ESPNL: variants seen among roughly 807,000 people sequenced by gnomAD.
ESPNL encodes the protein espin like, also known as espin-like protein.
ESPNL carries 49 observed loss-of-function variants against 46.8 expected under a neutral mutation model. That is an observed-to-expected ratio of 1.05 (90% CI 0.83 to 1.33). The LOEUF (loss-of-function observed/expected upper bound fraction) is 1.33, where lower values mean the gene tolerates loss of function less well. ESPNL is among the 40% of genes most tolerant of loss of function. ESPNL has a pLI of 0.00. For missense variants in ESPNL, 1,540 were observed against 1,436.6 expected (o/e 1.07, Z -1.16); for synonymous variants, 664 against 662.1 (o/e 1.00, Z -0.04).
intron 5 of ESPNL, among the ~76,000 whole-genome samples, chr2:238,120,254 C>T (rs1691956534): frequency 6.6e-6 from 1 of 152,164 alleles, no homozygotes; most frequent in Non-Finnish European, 1.5e-5. Flanking sequence ...ACAGCTCCTT[C>T]AAGGCCGCTA....
Position 238,131,442 on chromosome 2 carries a change from G to T in ESPNL, c.2728G>T (p.Ala910Ser). The T allele has an allele frequency of 6.2e-7, 1 of 1,609,054 alleles. No homozygotes were observed. The highest frequency in any genetic ancestry group is 8.5e-7 in the Non-Finnish European group (1 of 1,178,088). The change falls in exon 9 of 9, where the codon GCC becomes TCC. Residue 910 changes from alanine to serine, a missense_variant. Physicochemically the swap from Ala to Ser is moderately conservative, Grantham distance 99. Transcript: ENST00000343063. ...FHKAVTDEVAAGRRAWTDGFE... is the reference protein window; with the variant it reads ...FHKAVTDEVASGRRAWTDGFE... ...CAAGGCCGTGACCGACGAGGTGGCC[G>T]CCGGCCGCCGGGCCTGGACCGACGG...
chr2:238,100,721 G>A lies in ESPNL; in HGVS notation c.294+8G>A, dbSNP rs1046615787. Reference sequence around the variant, plus strand: ...GGGGGCTGCGGTCTGCAGGTGAGCGGGGATGGGGCAGCCTGGCTCCACGAA... The same window carrying A: ...GGGGGCTGCGGTCTGCAGGTGAGCGAGGATGGGGCAGCCTGGCTCCACGAA... On this transcript the variant is annotated splice_region_variant and intron_variant, in intron 1 of 8. Transcript: ENST00000343063. The A allele has an allele frequency of 2.9e-5, 41 of 1,411,342 alleles. No homozygotes were observed. The highest frequency in any genetic ancestry group is 3.7e-5 in the Non-Finnish European group (40 of 1,092,742). The allele number at this position is 1,411,342 out of a possible 1,614,324, so 87.4% of individuals were successfully genotyped here.
At chr2:238,102,732 C>T (rs1691512345) in intron 2 of ESPNL, among the ~76,000 whole-genome samples, 1 of 152,220 alleles carries the variant, frequency 6.6e-6, no homozygotes, top group Non-Finnish European at 1.5e-5. Context: ...CCTGGAAGCT[C>T]CTCCAGTCCT....
intron 2 of ESPNL, among the ~76,000 whole-genome samples, chr2:238,104,119 G>A (rs375713889): frequency 6.6e-6 from 1 of 152,182 alleles, no homozygotes; most frequent in Non-Finnish European, 1.5e-5. Flanking sequence ...GAGAGGGGAA[G>A]GGCCCGGAGG....
At chr2:238,125,517 G>T in intron 6 of ESPNL, 133 bp downstream of exon 6, 1 of 469,838 alleles carries the variant, frequency 2.1e-6, no homozygotes, top group Non-Finnish European at 3.8e-6. Context: ...TCCCTCCCCA[G>T]TTGCTTCCAG....
chr2:238,128,467 GCCGACAAT>G (rs906835981), intron 7 of ESPNL, among the ~76,000 whole-genome samples: 2 of 152,170 alleles, frequency 1.3e-5, no homozygotes, highest in Non-Finnish European at 2.9e-5. Flanking sequence ...TCATTTCTCT[GCCGACAAT>G]CCCCTCACAC....
rs1050446441 is a variant in ESPNL, at chr2:238,106,713, CACAGGGGGTCCTGAGGGAGGGAA to C, written c.673-1071_673-1049del. On this transcript the variant is annotated intron_variant, in intron 3 of 8. Coordinates refer to ENST00000343063, the MANE Select transcript of ESPNL (RefSeq NM_194312.4). The stretch of plus-strand genomic sequence containing the variant: ...AGTGGGCAGAGCAGCAGCAGCTCAC[CACAGGGGGTCCTGAGGGAGGGAA>C]ACAGGGTGTCCACTGAACCCCTAGG... Among the ~76,000 whole-genome samples, 159 of 133,578 alleles carry C rather than the reference CACAGGGGGTCCTGAGGGAGGGAA, an allele frequency of 1.2e-3. 3 individuals carry two copies. Among genetic ancestry groups the C allele is most frequent in the East Asian group, 6.3e-3 (24 of 3,832 alleles). The allele number at this position is 133,578 out of a possible 152,430, so 87.6% of individuals were successfully genotyped here.
intron 5 of ESPNL, among the ~76,000 whole-genome samples, chr2:238,124,770 C>T (rs1230406409): frequency 5.7e-5 from 7 of 121,876 alleles, no homozygotes; most frequent in East Asian, 2.3e-4. Flanking sequence ...AGTGTACATG[C>T]GTGTGTGCAG....
At chr2:238,122,856 C>T (rs962719135) in intron 5 of ESPNL, among the ~76,000 whole-genome samples, 1 of 152,226 alleles carries the variant, frequency 6.6e-6, no homozygotes, top group Non-Finnish European at 1.5e-5. Flanking sequence ...CCACCTCTGT[C>T]GGTGACACCA....
intron 6 of ESPNL, among the ~76,000 whole-genome samples, chr2:238,126,254 TTGTG>T (rs1203493203): frequency 1.3e-5 from 2 of 150,894 alleles, no homozygotes; most frequent in African/African-American, 4.9e-5. Context: ...TGTATGGTGA[TTGTG>T]TGTTCTGTAC....
chr2:238,116,501 G>A (rs1412170282), intron 4 of ESPNL, among the ~76,000 whole-genome samples: 1 of 152,176 alleles, frequency 6.6e-6, no homozygotes, highest in Non-Finnish European at 1.5e-5. Flanking sequence ...TGAGTCCCTG[G>A]GGCAGGGGCC....
chr2:238,119,452 AGGTTAGATGAAGGAGGAATG>A (rs1456950972), intron 5 of ESPNL, among the ~76,000 whole-genome samples: 4 of 80,564 alleles, frequency 5.0e-5, no homozygotes, highest in African/African-American at 1.7e-4. Context: ...GGAGGAGAGG[AGGTTAGATGAAGGAGGAATG>A]GATGGAGGAG....
Position 238,130,461 on chromosome 2 carries a change from GC to G in ESPNL, c.1752del (p.Val586CysfsTer22). The G allele has an allele frequency of 6.2e-7, 1 of 1,601,150 alleles. No homozygotes were observed. Among genetic ancestry groups the G allele is most frequent in the Non-Finnish European group, 8.5e-7 (1 of 1,174,350 alleles). ...AGGGTCTGCGGAGGCCTCAGAGGTG[GC>G]CCCCGGGGTGCAGCCCCTGCCCTTC... The part of the protein sequence containing the change: ...PAGSAEASEV[A>X]PGVQPLPFWC... On this transcript the variant is annotated frameshift_variant, in exon 9 of 9. Coordinates refer to ENST00000343063, the MANE Select transcript of ESPNL (RefSeq NM_194312.4). LOFTEE classifies it low-confidence loss of function (END_TRUNC).
chr2:238,118,909 GATGGAGGAGGGTTA>G (rs1359200002), intron 5 of ESPNL, among the ~76,000 whole-genome samples: 4 of 143,820 alleles, frequency 2.8e-5, no homozygotes, highest in African/African-American at 5.3e-5. Flanking sequence ...GGAGGAGGTG[GATGGAGGAGGGTTA>G]ATGGAGGAGG....
rs775725938 is a variant in ESPNL, at chr2:238,127,692, G to C, written c.1173G>C (p.Pro391=). 39 of 1,612,440 alleles carry C rather than the reference G, an allele frequency of 2.4e-5. No individual in the cohort carries two copies. Among genetic ancestry groups the C allele is most frequent in the South Asian group, 2.2e-4 (20 of 90,686 alleles). The change falls in exon 7 of 9, where the codon CCG becomes CCC. Residue 391 remains proline, a synonymous_variant. Coordinates refer to ENST00000343063, the MANE Select transcript of ESPNL (RefSeq NM_194312.4). ...QPLPREQMTS[P]APPRIITSAT... Reference sequence around the variant, plus strand: ...TTCCCAGGGAGCAGATGACCAGCCCGGCCCCTCCGAGGATCATCACCAGTG... The same window carrying C: ...TTCCCAGGGAGCAGATGACCAGCCCCGCCCCTCCGAGGATCATCACCAGTG...
chr2:238,131,555 G>A lies in ESPNL; in HGVS notation c.2841G>A (p.Leu947=), dbSNP rs1303012950. The change falls in exon 9 of 9, where the codon CTG becomes CTA. Residue 947 remains leucine (L), a synonymous_variant. Coordinates refer to ENST00000343063, the MANE Select transcript of ESPNL (RefSeq NM_194312.4). The part of the protein sequence containing the change: ...TEPGRKSGLT[L]LGPLPHAAVP... ...CTGGCCGCAAGTCAGGTCTGACCCT[G>A]CTCGGGCCCCTGCCTCACGCCGCCG... The A allele has an allele frequency of 3.1e-6, 5 of 1,610,978 alleles. No homozygotes were observed. Among genetic ancestry groups the A allele is most frequent in the Non-Finnish European group, 4.2e-6 (5 of 1,179,070 alleles).
intron 7 of ESPNL, among the ~76,000 whole-genome samples, chr2:238,127,941 C>G (rs766984793): frequency 8.5e-5 from 13 of 152,176 alleles, no homozygotes; most frequent in Non-Finnish European, 1.8e-4. Context: ...CTGTCCCCCC[C>G]ACCACAGAAA....
At chr2:238,119,477 G>A (rs1165778555) in intron 5 of ESPNL, among the ~76,000 whole-genome samples, 2 of 95,020 alleles carry the variant, frequency 2.1e-5, no homozygotes, top group Non-Finnish European at 2.2e-5. Context: ...GGAATGGATG[G>A]AGGAGGTGGA....
Position 238,107,936 on chromosome 2 carries a change from C to T in ESPNL, c.818C>T (p.Thr273Ile). 6.2e-7 allele frequency: 1 copy of T among 1,612,096 alleles called. No homozygotes were observed. Among genetic ancestry groups the T allele is most frequent in the Non-Finnish European group, 8.5e-7 (1 of 1,179,478 alleles). The change falls in exon 4 of 9, where the codon ACC becomes ATC. Residue 273 changes from threonine to isoleucine, a missense_variant. By Grantham distance (89) the Thr-to-Ile change is moderately conservative. Transcript: ENST00000343063. ...TPILRDSWGGTPLHDAAENGQ... is the reference protein window; with the variant it reads ...TPILRDSWGGIPLHDAAENGQ... ...ATCCTGAGAGACTCCTGGGGTGGGA[C>T]CCCCCTCCACGACGCAGCAGAGAAC...
Sources: allele counts gnomAD v4.1 joint callset (sites outside exome capture counted in the v4.1 genomes callset), GRCh38; gene constraint gnomAD v4.1.1; transcripts MANE v1.5; gene names NCBI Gene and HGNC (gene_info 2026-07-23, HGNC 2026-07-21).